Variants in COL25A1 observed in about 807,000 individuals in gnomAD.
COL25A1 encodes collagen alpha-1(XXV) chain.
A neutral mutation model predicts 128.4 loss-of-function variants in COL25A1; 103 were observed. That is an observed-to-expected ratio of 0.80 (90% CI 0.68 to 0.94). The LOEUF is 0.94. Among genes scored for constraint, COL25A1 ranks in the 40% least tolerant of loss-of-function variants. COL25A1 has a pLI of 0.00. For missense variants in COL25A1, 745 were observed against 840.0 expected (o/e 0.89, Z 1.40); for synonymous variants, 279 against 277.2 (o/e 1.01, Z -0.06).
At chr4:109,196,640 T>A (rs1024506) in intron 3 of COL25A1, among the ~76,000 whole-genome samples, 2 of 151,934 alleles carry the variant, frequency 1.3e-5, no homozygotes, top group Non-Finnish European at 2.9e-5. Context: ...TGCAGCTCAG[T>A]GTAAAAAGAA....
intron 10 of COL25A1, 82 bp from the exon 11 acceptor site, chr4:108,937,925 G>T: frequency 1.8e-6 from 2 of 1,090,728 alleles, no homozygotes; most frequent in South Asian, 2.9e-5. Flanking sequence ...TTCTTTGACT[G>T]GGGCATGTAA....
intron 8 of COL25A1, among the ~76,000 whole-genome samples, chr4:108,960,400 T>C (rs1056283394): frequency 1.3e-5 from 2 of 152,132 alleles, no homozygotes; most frequent in African/African-American, 4.8e-5. Context: ...ATCATGCCTA[T>C]AAGCCATGTT....
At chr4:109,106,512 T>G (rs1766444012) in intron 3 of COL25A1, among the ~76,000 whole-genome samples, 1 of 152,040 alleles carries the variant, frequency 6.6e-6, no homozygotes, top group African/African-American at 2.4e-5. Context: ...ACAGCTACCT[T>G]ACAGGATTAT....
chr4:109,031,732 G>C (rs547023427), intron 5 of COL25A1, among the ~76,000 whole-genome samples: 7 of 151,940 alleles, frequency 4.6e-5, no homozygotes, highest in African/African-American at 1.7e-4. Context: ...CCTGTGTAGA[G>C]GCCCTTAGCC....
rs1367602548 is a variant in COL25A1, at chr4:109,302,281, TA to T, written c.-170del. The T allele has an allele frequency of 8.4e-6, 4 of 475,538 alleles. No individual in the cohort carries two copies. Among genetic ancestry groups the T allele is most frequent in the Non-Finnish European group, 1.5e-5 (4 of 272,862 alleles). The allele number at this position is 475,538 out of a possible 1,614,324, so 29.5% of individuals were successfully genotyped here. A position where few individuals can be genotyped will look rare whatever the true frequency, so the allele number is the denominator to read the frequency against. ...GTCCGGGGACTGGGTGGCGGTGGGG[TA>T]AAAAGCAAGACGAAACCCACCCAGA... On this transcript the variant is annotated 5_prime_UTR_variant, in exon 1 of 38. Transcript: ENST00000399132.
At position 108,859,638 on chromosome 4, in the gene COL25A1, C is replaced by A; in HGVS notation, c.1320+18G>T. ...GCATCCTTCTCAGTGTGTGTCAGGG[C>A]AGGGACCAGTCACTTGCCTGTAAGG... On this transcript the variant is annotated intron_variant, in intron 24 of 37. Transcript: ENST00000399132. The A allele has an allele frequency of 6.2e-7, 1 of 1,610,114 alleles. No homozygotes were observed. Among genetic ancestry groups the A allele is most frequent in the Non-Finnish European group, 8.5e-7 (1 of 1,177,500 alleles).
chr4:108,950,795 G>A (rs1016752807), intron 8 of COL25A1, among the ~76,000 whole-genome samples: 3 of 152,160 alleles, frequency 2.0e-5, no homozygotes, highest in African/African-American at 4.8e-5. Flanking sequence ...CATGCTATAC[G>A]CCAAGTACAG....
At chr4:108,846,544 A>G (rs1699792296) in intron 27 of COL25A1, among the ~76,000 whole-genome samples, 1 of 152,198 alleles carries the variant, frequency 6.6e-6, no homozygotes, top group South Asian at 2.1e-4. Context: ...AAACAACTTA[A>G]TAGACTTAAT....
At chr4:109,008,025 C>A (rs772769288) in intron 6 of COL25A1, among the ~76,000 whole-genome samples, 2 of 152,038 alleles carry the variant, frequency 1.3e-5, no homozygotes, top group Non-Finnish European at 2.9e-5. Context: ...ATTTAATTTC[C>A]CAAGTCTTTC....
rs1732247322 is a variant in COL25A1, at chr4:108,825,374, G to C, written c.1765-152C>G. On this transcript the variant is annotated intron_variant, in intron 33 of 37. Transcript: ENST00000399132. ...TTCTCATTTGGATTAGTGACTGTTAGTGTTGCAGTTAAGGGTCATGAAAAT... is the reference window on the plus strand; with the variant it reads ...TTCTCATTTGGATTAGTGACTGTTACTGTTGCAGTTAAGGGTCATGAAAAT... 5.8e-6 allele frequency: 4 copies of C among 686,970 alleles called. No individual in the cohort carries two copies. In the Admixed American group the frequency reaches 9.6e-5, roughly 16 times the overall value. 42.6% of individuals were successfully genotyped at this position (686,970 alleles called of 1,614,324 possible). A position where few individuals can be genotyped will look rare whatever the true frequency, so the allele number is the denominator to read the frequency against.
intron 3 of COL25A1, among the ~76,000 whole-genome samples, chr4:109,126,535 A>C (rs927901803): frequency 4.6e-5 from 7 of 152,202 alleles, no homozygotes; most frequent in Admixed American, 3.9e-4. Context: ...GCACATTTAA[A>C]TAATGTTCTA....
intron 3 of COL25A1, among the ~76,000 whole-genome samples, chr4:109,072,250 C>A (rs1228821967): frequency 3.9e-5 from 6 of 152,148 alleles, no homozygotes; most frequent in African/African-American, 7.2e-5. Flanking sequence ...TATGTCACCA[C>A]TGGATAATTT....
chr4:108,935,005 TCC>T (rs763508036), intron 11 of COL25A1, among the ~76,000 whole-genome samples: 58 of 152,298 alleles, frequency 3.8e-4, no homozygotes, highest in Non-Finnish European at 6.9e-4. Flanking sequence ...GGTATTATTA[TCC>T]CTCCTTCACA....
intron 8 of COL25A1, among the ~76,000 whole-genome samples, chr4:108,949,767 C>T (rs1313432496): frequency 6.6e-6 from 1 of 152,104 alleles, no homozygotes; most frequent in Non-Finnish European, 1.5e-5. Flanking sequence ...GTTCTCTTGA[C>T]CTCATCATCC....
At chr4:109,218,022 C>G (rs906929011) in intron 3 of COL25A1, among the ~76,000 whole-genome samples, 2 of 151,968 alleles carry the variant, frequency 1.3e-5, no homozygotes, top group Non-Finnish European at 2.9e-5. Flanking sequence ...TGTGCTGTGG[C>G]GATCTGGCTC....
chr4:109,223,662 C>G (rs1045911620), intron 3 of COL25A1, among the ~76,000 whole-genome samples: 4 of 150,492 alleles, frequency 2.7e-5, no homozygotes, highest in Non-Finnish European at 5.9e-5. Context: ...CTCTAAGCTT[C>G]TTAGTAGAGT....
chr4:108,889,838 T>C (rs1290117039), intron 16 of COL25A1, 105 bp from the exon 17 acceptor site: 8 of 934,200 alleles, frequency 8.6e-6, no homozygotes, highest in Non-Finnish European at 1.2e-5. Context: ...GGGTATCTCA[T>C]GACTAATGTG....
chr4:109,282,992 TA>T (rs1374147147), intron 3 of COL25A1, among the ~76,000 whole-genome samples: 1 of 150,678 alleles, frequency 6.6e-6, no homozygotes, highest in Non-Finnish European at 1.5e-5. Context: ...AAAAAAAGGA[TA>T]AAGATCATAT....
At chr4:109,278,049 C>T (rs561388744) in intron 3 of COL25A1, among the ~76,000 whole-genome samples, 83 of 152,012 alleles carry the variant, frequency 5.5e-4, no homozygotes, top group Middle Eastern at 3.4e-3. Context: ...GCAGAAGAAT[C>T]GCTTGAACCC....
Sources: allele counts gnomAD v4.1 joint callset (sites outside exome capture counted in the v4.1 genomes callset), GRCh38; gene constraint gnomAD v4.1.1; transcripts MANE v1.5; gene names NCBI Gene and HGNC (gene_info 2026-07-23, HGNC 2026-07-21).